LCK: variants seen among roughly 807,000 people sequenced by gnomAD.
LCK encodes LCK proto-oncogene, Src family tyrosine kinase, also known as tyrosine-protein kinase Lck.
In LCK, 14 loss-of-function variants were observed where a neutral mutation model predicts 64.6. The ratio of observed to expected loss-of-function variants is 0.22; its 90% CI spans 0.14 to 0.34. The LOEUF is 0.34. LCK is among the 10% of genes least tolerant of loss of function. LCK has a pLI of 1.00. For synonymous variants in LCK, 277 were observed against 263.6 expected (o/e 1.05, Z -0.49); for missense variants, 434 against 668.1 (o/e 0.65, Z 3.86).
At chr1:32,277,839 G>C (rs908560393) in intron 9 of LCK, among the ~76,000 whole-genome samples, 1 of 152,010 alleles carries the variant, frequency 6.6e-6, no homozygotes, top group Non-Finnish European at 1.5e-5. Context: ...TTCCTCACAG[G>C]GTCTTGTGAG....
intron 1 of LCK, among the ~76,000 whole-genome samples, chr1:32,253,493 A>T (rs1639556328): frequency 6.6e-6 from 1 of 152,170 alleles, no homozygotes; most frequent in South Asian, 2.1e-4. Context: ...TATATTGGCC[A>T]GGATGGTTTC....
In LCK at chr1:32,280,196, G is replaced by T. The variant is rs1268526933; in HGVS notation, c.1313G>T (p.Arg438Leu). Reference sequence around the variant, plus strand: ...CTGACGGAAATTGTCACCCACGGCCGCATCCCTTACCCAGGTTAGAGCCAA... The same window carrying T: ...CTGACGGAAATTGTCACCCACGGCCTCATCCCTTACCCAGGTTAGAGCCAA... ...ILLTEIVTHG[R>L]IPYPGMTNPE... The change falls in exon 12 of 13, where the codon CGC (arginine) becomes CTC (leucine). Residue 438 changes from arginine to leucine, a missense_variant. By Grantham distance (102) the Arg-to-Leu change is moderately radical. This residue lies in a region of LCK where 201 missense variants were observed against 376.9 expected (regional missense o/e 0.53). Coordinates refer to ENST00000336890, the MANE Select transcript of LCK (RefSeq NM_005356.5). The T allele has an allele frequency of 6.2e-7, 1 of 1,613,962 alleles. No individual in the cohort carries two copies. Among genetic ancestry groups the T allele is most frequent in the Admixed American group, 1.7e-5 (1 of 59,986 alleles).
At chr1:32,262,428 CTT>C (rs1267622825) in intron 1 of LCK, among the ~76,000 whole-genome samples, 42 of 136,316 alleles carry the variant, frequency 3.1e-4, no homozygotes, top group Non-Finnish European at 3.2e-4. Flanking sequence ...TTTTTCTTTT[CTT>C]TTTTTTTTTT....
At chr1:32,280,457 T>TTC (rs1640422740) in intron 12 of LCK, among the ~76,000 whole-genome samples, 1 of 126,532 alleles carries the variant, frequency 7.9e-6, no homozygotes, top group South Asian at 3.0e-4. Context: ...TTTTTTTTTT[T>TTC]TTTTTTTTTT....
Position 32,275,169 on chromosome 1 carries a change from A to G in LCK, c.278+86A>G. The G allele has an allele frequency of 6.7e-7, 1 of 1,481,738 alleles. No individual in the cohort carries two copies. Among genetic ancestry groups the G allele is most frequent in the Non-Finnish European group, 9.3e-7 (1 of 1,071,578 alleles). The allele number at this position is 1,481,738 out of a possible 1,614,324, so 91.8% of individuals were successfully genotyped here. On this transcript the variant is annotated intron_variant, in intron 4 of 12. Transcript: ENST00000336890. This position sits in a 1 kb window ranked among gnomAD's most constrained non-coding sequence, Gnocchi z 6.9. ...CGCAGCCCTCCTGCGGCCCTTGACC[A>G]GCTCGGGGTGGCCGCCCTTGGGACA... is the stretch of plus-strand genomic sequence containing the variant.
intron 1 of LCK, among the ~76,000 whole-genome samples, chr1:32,262,551 T>C (rs544141162): frequency 6.6e-6 from 1 of 151,076 alleles, no homozygotes; most frequent in South Asian, 2.1e-4. Flanking sequence ...GCCTCCTGAG[T>C]AGCTGGGATT....
intron 9 of LCK, among the ~76,000 whole-genome samples, chr1:32,278,569 C>T (rs985987183): frequency 2.6e-5 from 4 of 152,116 alleles, no homozygotes; most frequent in African/African-American, 7.2e-5. Context: ...GATCTCCTGT[C>T]CTCAGGTGAT....
chr1:32,259,098 C>T (rs987800819), intron 1 of LCK, among the ~76,000 whole-genome samples: 4 of 151,342 alleles, frequency 2.6e-5, no homozygotes, highest in Admixed American at 2.6e-4. Context: ...CTGATTTACC[C>T]ACTAGAAATT....
In LCK at chr1:32,274,796, T is replaced by C. The variant is rs1282058272; in HGVS notation, c.165T>C (p.Asn55=). 3.7e-6 allele frequency: 6 copies of C among 1,613,496 alleles called. No individual in the cohort carries two copies. The East Asian group carries it at 1.3e-4, about 36-fold the overall frequency. ...RDPLVTYEGS[N]PPASPLQDNL... is the part of the protein sequence containing the mutation. ...CACTGGTTACCTACGAAGGCTCCAA[T>C]CCGCCGGCTTCCCCACTGCAAGGTG... Residue 55 remains asparagine (N), a synonymous_variant, in exon 3 of 13, where the codon AAT becomes AAC. Coordinates refer to ENST00000336890, the MANE Select transcript of LCK (RefSeq NM_005356.5).
intron 1 of LCK, among the ~76,000 whole-genome samples, chr1:32,264,248 A>G (rs917233914): frequency 6.6e-5 from 10 of 152,012 alleles, no homozygotes; most frequent in African/African-American, 2.4e-4. Context: ...TTTTGATGGG[A>G]AATGGACCCT....
At position 32,275,036 on chromosome 1, in the gene LCK, C is replaced by T. The variant is rs776842939; in HGVS notation, c.231C>T (p.Asp77=). Reference sequence around the variant, plus strand: ...TGCACAGCTATGAGCCCTCTCACGACGGAGATCTGGGCTTTGAGAAGGGGG... The same window carrying T: ...TGCACAGCTATGAGCCCTCTCACGATGGAGATCTGGGCTTTGAGAAGGGGG... The part of the protein sequence containing the change: ...IALHSYEPSH[D]GDLGFEKGEQ... Residue 77 remains aspartate (D), a synonymous_variant, in exon 4 of 13, where the codon GAC becomes GAT. Coordinates refer to ENST00000336890, the MANE Select transcript of LCK (RefSeq NM_005356.5). This position sits in a 1 kb window ranked among gnomAD's most constrained non-coding sequence, Gnocchi z 6.9. The T allele has an allele frequency of 1.2e-6, 2 of 1,614,166 alleles. No homozygotes were observed. Among genetic ancestry groups the T allele is most frequent in the African/African-American group, 1.3e-5 (1 of 75,050 alleles).
In LCK at chr1:32,269,800, C is replaced by T. The variant is rs141636224; in HGVS notation, c.-5-4525C>T. Among the ~76,000 whole-genome samples, 932 of 152,078 alleles carry T rather than the reference C, an allele frequency of 6.1e-3. 8 individuals are homozygous for T. The highest frequency in any genetic ancestry group is 0.021 in the African/African-American group (879 of 41,478). On this transcript the variant is annotated intron_variant, in intron 1 of 12. Coordinates refer to ENST00000336890, the MANE Select transcript of LCK (RefSeq NM_005356.5). Reference sequence around the variant, plus strand: ...AAGCAAAGGAGATTAATTACCCAGTCCCATTCTTCCACCTTCCAAAGCAGG... The same window carrying T: ...AAGCAAAGGAGATTAATTACCCAGTTCCATTCTTCCACCTTCCAAAGCAGG...
intron 2 of LCK, 78 bp downstream of exon 2, chr1:32,274,512 C>A: frequency 8.2e-7 from 1 of 1,224,102 alleles, no homozygotes; most frequent in African/African-American, 1.5e-5. Context: ...ACCAGCACTA[C>A]AGGCCCTTGA....
At chr1:32,280,906 T>G (rs1297092309) in intron 12 of LCK, among the ~76,000 whole-genome samples, 1 of 152,216 alleles carries the variant, frequency 6.6e-6, no homozygotes, top group Non-Finnish European at 1.5e-5. Context: ...CTAGTGAAGC[T>G]AGTCACTTCA....
chr1:32,251,894 AAGAGAGAGAGAGAGAGAG>A lies in LCK; in HGVS notation c.-6+549_-6+566del, dbSNP rs4012161. ...CCCCAGTGACAAGAATCTCCTGAGA[AAGAGAGAGAGAGAGAGAG>A]AGAGAGAGAGAGAGAGAGAGAGAGA... On this transcript the variant is annotated intron_variant, in intron 1 of 12. Transcript: ENST00000336890. This position sits in a 1 kb window ranked among gnomAD's most constrained non-coding sequence, Gnocchi z 4.0. Among the ~76,000 whole-genome samples, 11 of 132,232 alleles carry A rather than the reference AAGAGAGAGAGAGAGAGAG, an allele frequency of 8.3e-5. No homozygotes were observed. Among genetic ancestry groups the A allele is most frequent in the African/African-American group, 2.3e-4 (8 of 35,128 alleles). 86.7% of individuals were successfully genotyped at this position (132,232 alleles called of 152,430 possible).
In LCK at chr1:32,275,606, C is replaced by T. The variant is rs1194587513; in HGVS notation, c.415C>T (p.Arg139Trp). The stretch of plus-strand genomic sequence containing the variant: ...GAACCTGAGCCGCAAGGACGCGGAG[C>T]GGCAGCTCCTGGCGCCCGGGAACAC... ...FKNLSRKDAERQLLAPGNTHG... is the reference protein window; with the variant it reads ...FKNLSRKDAEWQLLAPGNTHG... Residue 139 changes from arginine (R) to tryptophan (W), a missense_variant, in exon 6 of 13, where the codon CGG (arginine) becomes TGG (tryptophan). Arg to Trp is a moderately radical substitution (Grantham distance 101, BLOSUM62 -3). Coordinates refer to ENST00000336890, the MANE Select transcript of LCK (RefSeq NM_005356.5). The surrounding 1 kb of genome is among the most constrained non-coding windows in gnomAD (Gnocchi z 6.9). 6.4e-7 allele frequency: 1 copy of T among 1,574,450 alleles called. No individual in the cohort carries two copies. The highest frequency in any genetic ancestry group is 1.2e-5 in the South Asian group (1 of 86,410).
At chr1:32,262,080 C>T (rs994875014) in intron 1 of LCK, among the ~76,000 whole-genome samples, 43 of 146,392 alleles carry the variant, frequency 2.9e-4, no homozygotes, top group South Asian at 4.8e-4. Context: ...GATGGGGTTT[C>T]ACCATGTTGG....
chr1:32,263,180 T>C (rs1639824581), intron 1 of LCK, among the ~76,000 whole-genome samples: 1 of 151,402 alleles, frequency 6.6e-6, no homozygotes, highest in Non-Finnish European at 1.5e-5. Flanking sequence ...CCACTTGAGG[T>C]TGGGAGTTCG....
At position 32,275,109 on chromosome 1, in the gene LCK, G is replaced by A. The variant is rs898148096; in HGVS notation, c.278+26G>A. 1.3e-6 allele frequency: 2 copies of A among 1,591,294 alleles called. No homozygotes were observed. Among genetic ancestry groups the A allele is most frequent in the Non-Finnish European group, 1.7e-6 (2 of 1,163,278 alleles). On this transcript the variant is annotated intron_variant, in intron 4 of 12. Coordinates refer to ENST00000336890, the MANE Select transcript of LCK (RefSeq NM_005356.5). This position sits in a 1 kb window ranked among gnomAD's most constrained non-coding sequence, Gnocchi z 6.9. ...GTGAGTCCCTCTCCACCTTGCTCTG[G>A]CGGAGTCCGTGAGGGAGCGGCGATC...
Sources: gnomAD v4.1 joint callset for allele counts (sites outside exome capture counted in the v4.1 genomes callset) on GRCh38, gnomAD v4.1.1 for gene constraint, gnomAD v4.1.1 regional missense constraint, Gnocchi (gnomAD v3.1) non-coding constraint, MANE v1.5 for transcripts, NCBI Gene and HGNC (gene_info 2026-07-23, HGNC 2026-07-21) for gene names.